The following MYO10 variants were observed in gnomAD, a reference collection of about 807,000 sequenced individuals.
MYO10 encodes unconventional myosin-X.
In MYO10, 133 loss-of-function variants were observed where a neutral mutation model predicts 257.3. The ratio of observed to expected loss-of-function variants is 0.52; its 90% CI spans 0.45 to 0.60. The LOEUF (loss-of-function observed/expected upper bound fraction) is 0.60, where lower values mean the gene tolerates loss of function less well. Among genes scored for constraint, MYO10 ranks in the 20% least tolerant of loss-of-function variants. MYO10 has a pLI of 0.00. For missense variants in MYO10, 2,399 were observed against 2,635.7 expected (o/e 0.91, Z 1.97); for synonymous variants, 1,104 against 1,028.6 (o/e 1.07, Z -1.40).
At chr5:16,791,084 A>G (rs1282379565) in intron 4 of MYO10, among the ~76,000 whole-genome samples, 5 of 152,174 alleles carry the variant, frequency 3.3e-5, no homozygotes, top group African/African-American at 1.2e-4. Flanking sequence ...GCCACCAAGT[A>G]GCAGAGGAGC....
chr5:16,772,464 A>G (rs545555840), intron 9 of MYO10, among the ~76,000 whole-genome samples: 3 of 152,358 alleles, frequency 2.0e-5, no homozygotes, highest in African/African-American at 7.2e-5. Flanking sequence ...AATTATGCAC[A>G]TGATATAGAG....
At chr5:16,691,706 A>G (rs1165767765) in intron 27 of MYO10, among the ~76,000 whole-genome samples, 1 of 152,014 alleles carries the variant, frequency 6.6e-6, no homozygotes, top group Non-Finnish European at 1.5e-5. Context: ...ATCAAAAAAA[A>G]AAAAAAAAAT....
In MYO10 at chr5:16,791,563, T is replaced by TACACACACACACAC. The variant is rs58464460; in HGVS notation, c.467+3082_467+3083insGTGTGTGTGTGTGT. ...ACATACATACACACACACACACACA[T>TACACACACACACAC]ACACATATGCACAATGATCTCATTT... On this transcript the variant is annotated intron_variant, in intron 4 of 40. Transcript: ENST00000513610. Among the ~76,000 whole-genome samples, 466 of 151,144 alleles carry TACACACACACACAC rather than the reference T, an allele frequency of 3.1e-3. 1 individual carries two copies. The highest frequency in any genetic ancestry group is 1.0e-2 in the African/African-American group (409 of 41,020).
rs1343480460 is a variant in MYO10, at chr5:16,703,116, C to T, written c.2319G>A (p.Gln773=). ...RKVLYCVVII[Q]KNYRAFLLRR... ...TCAGAAGGAATGCTCTGTAATTCTT[C>T]TGTATTATCACCACACAATAAAGGA... The change falls in exon 23 of 41, where the codon CAG becomes CAA. Residue 773 remains glutamine (Q), a synonymous_variant. Transcript: ENST00000513610. 2 of 1,595,250 alleles carry T rather than the reference C, an allele frequency of 1.3e-6. No homozygotes were observed. Among genetic ancestry groups the T allele is most frequent in the Admixed American group, 1.7e-5 (1 of 57,214 alleles).
At chr5:16,732,714 G>A (rs1400376312) in intron 19 of MYO10, among the ~76,000 whole-genome samples, 2 of 152,180 alleles carry the variant, frequency 1.3e-5, no homozygotes, top group Non-Finnish European at 2.9e-5. Context: ...GAAGGGAGGA[G>A]ATGAGGAGGG....
intron 19 of MYO10, among the ~76,000 whole-genome samples, chr5:16,750,120 G>A (rs552069759): frequency 6.6e-6 from 1 of 152,250 alleles, no homozygotes; most frequent in South Asian, 2.1e-4. Flanking sequence ...TACCCTTTGT[G>A]AACTCTGAAA....
intron 3 of MYO10, among the ~76,000 whole-genome samples, chr5:16,802,374 A>T (rs558921529): frequency 1.3e-5 from 2 of 152,294 alleles, no homozygotes; most frequent in South Asian, 2.1e-4. Flanking sequence ...AGAAAAAAAT[A>T]GGAGCCGGGT....
chr5:16,794,782 C>G lies in MYO10; in HGVS notation c.331G>C (p.Gly111Arg). 6.3e-7 allele frequency: 1 copy of G among 1,599,954 alleles called. No homozygotes were observed. Among genetic ancestry groups the G allele is most frequent in the South Asian group, 1.1e-5 (1 of 88,864 alleles). Reference sequence around the variant, plus strand: ...TCCATGGTGGCAGGCTCGTACAGCCCGGCGATGGGCTGGTAGGGGTTCACG... The same window carrying G: ...TCCATGGTGGCAGGCTCGTACAGCCGGGCGATGGGCTGGTAGGGGTTCACG... ...ASVNPYQPIA[G>R]LYEPATMEQY... Residue 111 changes from glycine to arginine, a missense_variant, in exon 4 of 41, where the codon GGG (glycine) becomes CGG (arginine). Around this residue, in one of 3 missense-constraint regions of MYO10, gnomAD observed 242 missense variants for 249.5 expected, o/e 0.97. Transcript: ENST00000513610.
At chr5:16,670,397 G>A (rs1736389819) in intron 39 of MYO10, 129 bp downstream of exon 39, 1 of 722,526 alleles carries the variant, frequency 1.4e-6, no homozygotes, top group Non-Finnish European at 2.2e-6. Flanking sequence ...CAATTCTGGG[G>A]GCTCGAATAA....
At chr5:16,676,911 A>G (rs534041310) in intron 33 of MYO10, among the ~76,000 whole-genome samples, 4 of 152,372 alleles carry the variant, frequency 2.6e-5, no homozygotes, top group African/African-American at 9.6e-5. Flanking sequence ...CAGTAGCTAA[A>G]TCATGTTATT....
intron 1 of MYO10, among the ~76,000 whole-genome samples, chr5:16,898,250 C>A (rs1018929696): frequency 9.5e-4 from 97 of 102,482 alleles, no homozygotes; most frequent in Non-Finnish European, 3.8e-4. Flanking sequence ...TTCTAATAAT[C>A]ACATTAAAAA....
intron 2 of MYO10, chr5:16,854,018 G>C (rs1743890421): frequency 1.3e-5 from 2 of 152,106 alleles, no homozygotes; most frequent in African/African-American, 4.8e-5. Flanking sequence ...TATCCTGAAG[G>C]TTCGTGATCT....
intron 19 of MYO10, among the ~76,000 whole-genome samples, chr5:16,743,420 A>G (rs1187180559): frequency 6.6e-6 from 1 of 152,118 alleles, no homozygotes; most frequent in African/African-American, 2.4e-5. Context: ...AGGTGAGTGG[A>G]TCACCTGAGG....
At position 16,701,234 on chromosome 5, in the gene MYO10, G is replaced by C. The variant is rs1021324649; in HGVS notation, c.3161C>G (p.Ala1054Gly). 4 of 1,612,752 alleles carry C rather than the reference G, an allele frequency of 2.5e-6. No individual in the cohort carries two copies. Among genetic ancestry groups the C allele is most frequent in the Non-Finnish European group, 3.4e-6 (4 of 1,179,492 alleles). Reference protein sequence around the residue: ...SPSADSTVLLAPSVQDSGSLH... With the variant: ...SPSADSTVLLGPSVQDSGSLH... Reference sequence around the variant, plus strand: ...GCTCCCGGAGTCCTGCACTGATGGGGCGAGCAGCACCGTGCTGTCCGCACT... The same window carrying C: ...GCTCCCGGAGTCCTGCACTGATGGGCCGAGCAGCACCGTGCTGTCCGCACT... The change falls in exon 25 of 41, where the codon GCC (alanine) becomes GGC (glycine). Residue 1054 changes from alanine (A) to glycine (G), a missense_variant. Coordinates refer to ENST00000513610, the MANE Select transcript of MYO10 (RefSeq NM_012334.3). This position sits in a 1 kb window ranked among gnomAD's most constrained non-coding sequence, Gnocchi z 8.1.
intron 9 of MYO10, among the ~76,000 whole-genome samples, chr5:16,773,300 T>C (rs569852043): frequency 1.3e-5 from 2 of 152,270 alleles, no homozygotes; most frequent in Admixed American, 1.3e-4. Flanking sequence ...TACAAATAAT[T>C]TGTTATTCTC....
intron 2 of MYO10, among the ~76,000 whole-genome samples, chr5:16,831,160 C>T (rs1009235287): frequency 6.6e-6 from 1 of 152,120 alleles, no homozygotes; most frequent in Non-Finnish European, 1.5e-5. Flanking sequence ...AAATCAAAAC[C>T]ACCATGTGAC....
At chr5:16,837,083 G>A (rs747215607) in intron 2 of MYO10, among the ~76,000 whole-genome samples, 13 of 152,134 alleles carry the variant, frequency 8.5e-5, no homozygotes, top group Non-Finnish European at 1.6e-4. Context: ...GGCCGAGGCG[G>A]GCAGATCACC....
chr5:16,827,810 T>C (rs371258410), intron 2 of MYO10, among the ~76,000 whole-genome samples: 1 of 152,182 alleles, frequency 6.6e-6, no homozygotes, highest in African/African-American at 2.4e-5. Context: ...GCCAGCTGCA[T>C]GCATCAGACA....
chr5:16,683,443 A>G (rs1561178808), intron 30 of MYO10, among the ~76,000 whole-genome samples: 1 of 152,192 alleles, frequency 6.6e-6, no homozygotes, highest in African/African-American at 2.4e-5. Context: ...AGGAAAATCA[A>G]TGTTTGTGGT....
Sources: allele counts gnomAD v4.1 joint callset (sites outside exome capture counted in the v4.1 genomes callset), GRCh38; gene constraint gnomAD v4.1.1; regional missense constraint gnomAD v4.1.1; non-coding constraint Gnocchi (gnomAD v3.1); transcripts MANE v1.5; gene names NCBI Gene and HGNC (gene_info 2026-07-23, HGNC 2026-07-21).